The following TM2D2 variants were observed in gnomAD, a reference collection of about 807,000 sequenced individuals.
TM2D2 encodes the protein TM2 domain containing 2, also known as TM2 domain-containing protein 2.
A neutral mutation model predicts 23.0 loss-of-function variants in TM2D2; 19 were observed. The observed-to-expected ratio is 0.82, with a 90% CI of 0.58 to 1.21. The LOEUF is 1.21. TM2D2 is among the 50% of genes most tolerant of loss of function. The probability of loss-of-function intolerance (pLI) is 0.00; values close to 1 mark genes in which losing one functional copy is unlikely to be tolerated. For missense variants in TM2D2, 246 were observed against 265.4 expected (o/e 0.93, Z 0.51); for synonymous variants, 120 against 108.8 (o/e 1.10, Z -0.64).
Position 38,989,938 on chromosome 8 carries a change from C to T in TM2D2, c.*1394G>A, listed in dbSNP as rs1835555294. 2 of 151,992 alleles carry T rather than the reference C, an allele frequency of 1.3e-5. No individual in the cohort carries two copies. Among genetic ancestry groups the T allele is most frequent in the African/African-American group, 4.8e-5 (2 of 41,356 alleles). 9.4% of individuals were successfully genotyped at this position (151,992 alleles called of 1,614,324 possible). A position where few individuals can be genotyped will look rare whatever the true frequency, so the allele number is the denominator to read the frequency against. ...ATGTAGATTTTTCTGGGGAGAGGGT[C>T]TAGTTTCTTCATGACCCATAAAAAT... On this transcript the variant is annotated 3_prime_UTR_variant, in exon 4 of 4. Coordinates refer to ENST00000456397, the MANE Select transcript of TM2D2 (RefSeq NM_078473.3).
rs1266439947 is a variant in TM2D2 at position 38,989,646 on chromosome 8, C to G, written c.*1686G>C. 1 of 152,090 alleles carries G rather than the reference C, an allele frequency of 6.6e-6. No homozygotes were observed. Among genetic ancestry groups the G allele is most frequent in the Non-Finnish European group, 1.5e-5 (1 of 68,008 alleles). 9.4% of individuals were successfully genotyped at this position (152,090 alleles called of 1,614,324 possible). On this transcript the variant is annotated 3_prime_UTR_variant, in exon 4 of 4. Coordinates refer to ENST00000456397, the MANE Select transcript of TM2D2 (RefSeq NM_078473.3). ...AAAGTTTCTTATTTTTTAAAGAAAA[C>G]AACTTTTGGTAGGGTTATGAATATA...
intron 1 of TM2D2, 32 bp from the exon 2 acceptor site, chr8:38,995,437 T>C: frequency 6.2e-7 from 1 of 1,608,384 alleles, no homozygotes; most frequent in Non-Finnish European, 8.5e-7. Flanking sequence ...ATGATCATCA[T>C]CATACGGTCT....
At position 38,995,431 on chromosome 8, in the gene TM2D2, T is replaced by C. The variant is rs74196658; in HGVS notation, c.228-26A>G. 1,608 of 1,612,148 alleles carry C rather than the reference T, an allele frequency of 1.0e-3. 11 individuals carry two copies. In the East Asian group the frequency reaches 0.012, roughly 12 times the overall value. On this transcript the variant is annotated intron_variant, in intron 1 of 3. Coordinates refer to ENST00000456397, the MANE Select transcript of TM2D2 (RefSeq NM_078473.3). ...CTGTAATTCACCAGTAAGATCATGA[T>C]CATCATCATACGGTCTTTGCAAATC...
Position 38,996,372 on chromosome 8 carries a change from T to C in TM2D2, c.68A>G (p.Asn23Ser), listed in dbSNP as rs763257541. 29 of 1,613,966 alleles carry C rather than the reference T, an allele frequency of 1.8e-5. No homozygotes were observed. The highest frequency in any genetic ancestry group is 2.3e-5 in the Non-Finnish European group (27 of 1,180,024). The change falls in exon 1 of 4, where the codon AAT becomes AGT. Residue 23 changes from asparagine to serine, a missense_variant. Physicochemically the swap from Asn to Ser is conservative, Grantham distance 46. Coordinates refer to ENST00000456397, the MANE Select transcript of TM2D2 (RefSeq NM_078473.3). Reference protein sequence around the residue: ...LCGQAALLLGNLLLLHCVSRS... With the variant: ...LCGQAALLLGSLLLLHCVSRS... Reference sequence around the variant, plus strand: ...AGACACACAATGCAGCAGAAGTAAATTCCCCAGCAGCAAAGCCGCCTGGCC... The same window carrying C: ...AGACACACAATGCAGCAGAAGTAAACTCCCCAGCAGCAAAGCCGCCTGGCC...
chr8:38,996,644 C>CTCTGCT, upstream of TM2D2: 8 of 1,432,158 alleles, frequency 5.6e-6, no homozygotes, highest in Non-Finnish European at 6.4e-6. Context: ...CTACTCCGCC[C>CTCTGCT]TCTGCTTCTG....
In TM2D2 at chr8:38,991,191, G is replaced by C; in HGVS notation, c.*141C>G. On this transcript the variant is annotated 3_prime_UTR_variant, in exon 4 of 4. Transcript: ENST00000456397. ...GGTTGAAATTCCAAAGTCCAAAGAAGCCTTCTTAACCAAACAAATGCCCTC... is the reference window on the plus strand; with the variant it reads ...GGTTGAAATTCCAAAGTCCAAAGAACCCTTCTTAACCAAACAAATGCCCTC... The C allele has an allele frequency of 1.4e-6, 1 of 728,432 alleles. No individual in the cohort carries two copies. The highest frequency in any genetic ancestry group is 2.2e-6 in the Non-Finnish European group (1 of 445,460). The allele number at this position is 728,432 out of a possible 1,614,324, so 45.1% of individuals were successfully genotyped here.
chr8:38,995,469 C>A, intron 1 of TM2D2, 64 bp from the exon 2 acceptor site: 1 of 1,595,138 alleles, frequency 6.3e-7, no homozygotes. Context: ...TGTTTGCATG[C>A]ACGTAATCAA....
At position 38,994,426 on chromosome 8, in the gene TM2D2, G is replaced by A. The variant is rs528465996; in HGVS notation, c.316-766C>T. ...ATAAACTCAATTTTTAATTAAAATG[G>A]GCAAAAGTGATCTCTATACAATATT... On this transcript the variant is annotated intron_variant, in intron 2 of 3. Coordinates refer to ENST00000456397, the MANE Select transcript of TM2D2 (RefSeq NM_078473.3). Among the ~76,000 whole-genome samples the A allele has an allele frequency of 4.6e-5, 7 of 152,174 alleles. No individual in the cohort carries two copies. The South Asian group carries it at 1.5e-3, about 32-fold the overall frequency.
chr8:38,996,357 T>A lies in TM2D2; in HGVS notation c.83A>T (p.His28Leu). ...TTGCGAGTGGCTCCGAGACACACAA[T>A]GCAGCAGAAGTAAATTCCCCAGCAG... ...ALLLGNLLLLHCVSRSHSQNA... is the reference protein window; with the variant it reads ...ALLLGNLLLLLCVSRSHSQNA... Residue 28 changes from histidine (H) to leucine (L), a missense_variant, in exon 1 of 4, where the codon CAT (histidine) becomes CTT (leucine). His to Leu is a moderately conservative substitution (Grantham distance 99, BLOSUM62 -3). Coordinates refer to ENST00000456397, the MANE Select transcript of TM2D2 (RefSeq NM_078473.3). The A allele has an allele frequency of 6.2e-7, 1 of 1,614,028 alleles. No individual in the cohort carries two copies. The highest frequency in any genetic ancestry group is 1.1e-5 in the South Asian group (1 of 91,066).
In TM2D2 at chr8:38,989,806, G is replaced by C. The variant is rs1310493186; in HGVS notation, c.*1526C>G. 6.6e-6 allele frequency: 1 copy of C among 151,370 alleles called. No individual in the cohort carries two copies. Among genetic ancestry groups the C allele is most frequent in the African/African-American group, 2.5e-5 (1 of 40,754 alleles). The allele number at this position is 151,370 out of a possible 1,614,324, so 9.4% of individuals were successfully genotyped here. On this transcript the variant is annotated 3_prime_UTR_variant, in exon 4 of 4. Transcript: ENST00000456397. ...TTTAAAATATACATATGGCATCCTT[G>C]AACTCCCTTAAACTCTTTTATTTGT...
In TM2D2 at chr8:38,996,260, G is replaced by A; in HGVS notation, c.180C>T (p.Ser60=). 3 of 1,613,918 alleles carry A rather than the reference G, an allele frequency of 1.9e-6. No homozygotes were observed. The highest frequency in any genetic ancestry group is 2.5e-6 in the Non-Finnish European group (3 of 1,179,996). The change falls in exon 1 of 4, where the codon AGC becomes AGT. Residue 60 remains serine (S), a synonymous_variant. Transcript: ENST00000456397. ...GAGAGTGGGGGTCGCCATATTCCCA[G>A]CTCGCAGCACCCCCGGGGCCCTCCG... ...AQPEGPGGAA[S]WEYGDPHSPV...
upstream of TM2D2, chr8:38,996,752 G>A: frequency 7.1e-7 from 1 of 1,418,418 alleles, no homozygotes; most frequent in African/African-American, 1.4e-5. Context: ...GGCGTGCCCG[G>A]CAGCCGACGG....
upstream of TM2D2, chr8:38,996,585 C>G: frequency 6.9e-7 from 1 of 1,459,188 alleles, no homozygotes; most frequent in Non-Finnish European, 9.1e-7. Flanking sequence ...GCTCGACGCT[C>G]CGCGCACCTC....
chr8:38,996,774 T>TA (rs1835818762), upstream of TM2D2: 1 of 1,418,276 alleles, frequency 7.1e-7, no homozygotes, highest in Non-Finnish European at 9.2e-7. Context: ...GCGGGGCGGA[T>TA]ATGACTGGCG....
At chr8:38,996,094 G>T in intron 1 of TM2D2, 119 bp downstream of exon 1, 1 of 1,206,842 alleles carries the variant, frequency 8.3e-7, no homozygotes, top group Non-Finnish European at 1.1e-6. Flanking sequence ...CCTCCGGAAC[G>T]ACCTCAGAGA....
rs907073694 is a variant in TM2D2, at chr8:38,989,279, C to T, written c.*2053G>A. ...TCAACCAAGCTCTTACCCCTGGCAACATAAATGACTTCAAGCCTTGGAGCT... is the reference window on the plus strand; with the variant it reads ...TCAACCAAGCTCTTACCCCTGGCAATATAAATGACTTCAAGCCTTGGAGCT... On this transcript the variant is annotated 3_prime_UTR_variant, in exon 4 of 4. Coordinates refer to ENST00000456397, the MANE Select transcript of TM2D2 (RefSeq NM_078473.3). 2.0e-5 allele frequency: 3 copies of T among 152,234 alleles called. No individual in the cohort carries two copies. The highest frequency in any genetic ancestry group is 7.2e-5 in the African/African-American group (3 of 41,462). The allele number at this position is 152,234 out of a possible 1,614,324, so 9.4% of individuals were successfully genotyped here.
chr8:38,996,572 G>A (rs1480952941), upstream of TM2D2: 1 of 1,469,396 alleles, frequency 6.8e-7, no homozygotes, highest in Non-Finnish European at 9.0e-7. Flanking sequence ...CAATGGACGC[G>A]CAGCTCGACG....
chr8:38,996,633 GC>G (rs1256140741), upstream of TM2D2: 105 of 1,435,160 alleles, frequency 7.3e-5, no homozygotes, highest in Non-Finnish European at 8.7e-5. Flanking sequence ...GACGGGCGGG[GC>G]TACTCCGCCC....
In TM2D2 at chr8:38,996,373, T is replaced by C. The variant is rs766567627; in HGVS notation, c.67A>G (p.Asn23Asp). 2.2e-5 allele frequency: 35 copies of C among 1,613,918 alleles called. No individual in the cohort carries two copies. In the East Asian group the frequency reaches 2.9e-4, roughly 13 times the overall value. ...LCGQAALLLG[N>D]LLLLHCVSRS... ...GACACACAATGCAGCAGAAGTAAAT[T>C]CCCCAGCAGCAAAGCCGCCTGGCCG... Residue 23 changes from asparagine (N) to aspartate (D), a missense_variant, in exon 1 of 4, where the codon AAT becomes GAT. By Grantham distance (23) the Asn-to-Asp change is conservative (BLOSUM62 1). Transcript: ENST00000456397.
Sources: gnomAD v4.1 joint callset for allele counts (sites outside exome capture counted in the v4.1 genomes callset) on GRCh38, gnomAD v4.1.1 for gene constraint, MANE v1.5 for transcripts, NCBI Gene and HGNC (gene_info 2026-07-23, HGNC 2026-07-21) for gene names.